Variants in EXOC4 observed in about 807,000 individuals in gnomAD.
EXOC4 encodes the protein SEC8-like 1.
A neutral mutation model predicts 107.2 loss-of-function variants in EXOC4; 71 were observed. The observed-to-expected ratio is 0.66, with a 90% confidence interval of 0.55 to 0.81. EXOC4 has a LOEUF of 0.81. Ranked by LOEUF, EXOC4 falls within the 30% of genes least tolerant of loss-of-function variation. The pLI, the probability that EXOC4 is intolerant of heterozygous loss-of-function variation, is 0.00. For synonymous variants in EXOC4, 456 were observed against 441.2 expected, an observed-to-expected ratio of 1.03 and a Z score of -0.42; for missense variants, 1,108 against 1,189.6, an observed-to-expected ratio of 0.93 and a Z score of 1.01.
chr7:133,871,968 C>A (rs1433443648), intron 11 of EXOC4, among the ~76,000 whole-genome samples: 3 of 152,142 alleles, frequency 2.0e-5, no homozygotes, highest in Non-Finnish European at 4.4e-5. Context: ...TGTCATCCAG[C>A]CCTTCCTTAT....
intron 9 of EXOC4, among the ~76,000 whole-genome samples, chr7:133,501,542 CAG>C (rs1288419481): frequency 6.6e-6 from 1 of 152,086 alleles, no homozygotes; most frequent in Non-Finnish European, 1.5e-5. Context: ...CAGTCAGAAA[CAG>C]AGAGAAGGGG....
At chr7:133,686,623 A>G (rs1241604569) in intron 10 of EXOC4, among the ~76,000 whole-genome samples, 1 of 152,170 alleles carries the variant, frequency 6.6e-6, no homozygotes, top group Non-Finnish European at 1.5e-5. Context: ...AAAATGCTCA[A>G]CATCACTAAT....
In EXOC4 at chr7:133,895,744, T is replaced by C; in HGVS notation, c.1871+9T>C. The C allele has an allele frequency of 6.2e-7, 1 of 1,612,886 alleles. No individual in the cohort carries two copies. The highest frequency in any genetic ancestry group is 8.5e-7 in the Non-Finnish European group (1 of 1,179,400). Reference sequence around the variant, plus strand: ...TGCACTGCAGCTTACAGGTAGAGCTTCTGTTAGGGGCTAAGCAAAGTAACG... The same window carrying C: ...TGCACTGCAGCTTACAGGTAGAGCTCCTGTTAGGGGCTAAGCAAAGTAACG... On this transcript the variant is annotated intron_variant, in intron 12 of 17. Coordinates refer to ENST00000253861, the MANE Select transcript of EXOC4 (RefSeq NM_021807.4).
At chr7:133,838,390 T>C (rs1329116693) in intron 11 of EXOC4, among the ~76,000 whole-genome samples, 2 of 152,196 alleles carry the variant, frequency 1.3e-5, no homozygotes, top group Non-Finnish European at 2.9e-5. Context: ...TCTGCAATAT[T>C]AATGTGTTCC....
At chr7:133,519,356 G>T (rs1261991650) in intron 9 of EXOC4, among the ~76,000 whole-genome samples, 1 of 152,210 alleles carries the variant, frequency 6.6e-6, no homozygotes, top group South Asian at 2.1e-4. Context: ...CCAGGAGGTC[G>T]AGGCTGCAGT....
At chr7:133,807,764 T>C (rs547221755) in intron 10 of EXOC4, among the ~76,000 whole-genome samples, 2 of 152,336 alleles carry the variant, frequency 1.3e-5, no homozygotes, top group East Asian at 1.9e-4. Context: ...TTGTTTGATA[T>C]GAAGGGTTAG....
At chr7:133,835,096 C>T (rs551818100) in intron 11 of EXOC4, among the ~76,000 whole-genome samples, 1 of 152,142 alleles carries the variant, frequency 6.6e-6, no homozygotes, top group African/African-American at 2.4e-5. Context: ...TCCATTAAAC[C>T]TCTTTCCTGT....
intron 10 of EXOC4, among the ~76,000 whole-genome samples, chr7:133,631,446 G>C (rs1802589713): frequency 6.6e-6 from 1 of 151,932 alleles, no homozygotes; most frequent in South Asian, 2.1e-4. Context: ...TAGCTAACCA[G>C]TGTTCTAAAT....
At chr7:133,624,752 C>G (rs1396727059) in intron 9 of EXOC4, among the ~76,000 whole-genome samples, 1 of 151,996 alleles carries the variant, frequency 6.6e-6, no homozygotes. Context: ...ACCAACAAGC[C>G]TGGCTAATTT....
At chr7:133,971,179 C>T (rs901153378) in intron 14 of EXOC4, among the ~76,000 whole-genome samples, 21 of 151,674 alleles carry the variant, frequency 1.4e-4, no homozygotes, top group African/African-American at 4.6e-4. Context: ...TGGAGGAAAA[C>T]CTAATCATCA....
chr7:134,064,596 T>G lies in EXOC4; in HGVS notation c.*68T>G. 1 of 1,080,004 alleles carries G rather than the reference T, an allele frequency of 9.3e-7. No homozygotes were observed. Among genetic ancestry groups the G allele is most frequent in the East Asian group, 2.5e-5 (1 of 40,216 alleles). 66.9% of individuals were successfully genotyped at this position (1,080,004 alleles called of 1,614,324 possible). ...CTCACTTTTTTCCTTGGTATGTTATTGAGTATATTCTGAGCTTAGTTTTCT... is the reference window on the plus strand; with the variant it reads ...CTCACTTTTTTCCTTGGTATGTTATGGAGTATATTCTGAGCTTAGTTTTCT... On this transcript the variant is annotated 3_prime_UTR_variant, in exon 18 of 18. Transcript: ENST00000253861.
At chr7:134,079,807 T>C in the EXOC4 span, among the ~76,000 whole-genome samples, 1 of 152,194 alleles carries the variant, frequency 6.6e-6, no homozygotes, top group African/African-American at 2.4e-5. Flanking sequence ...GAAACTTCAA[T>C]GCAAATTTGC....
At chr7:133,356,658 T>C (rs1171781100) in intron 6 of EXOC4, 85 bp downstream of exon 6, 23 of 1,475,262 alleles carry the variant, frequency 1.6e-5, no homozygotes, top group Non-Finnish European at 2.0e-5. Flanking sequence ...TACCTTCTGT[T>C]GATGTTGTTT....
chr7:133,906,836 A>G (rs572228691), intron 12 of EXOC4, among the ~76,000 whole-genome samples: 5 of 152,316 alleles, frequency 3.3e-5, no homozygotes, highest in African/African-American at 7.2e-5. Context: ...CTGCACAGAT[A>G]AGTGTCCGGG....
chr7:133,448,691 C>G (rs985210968), intron 7 of EXOC4, among the ~76,000 whole-genome samples: 4 of 152,138 alleles, frequency 2.6e-5, no homozygotes, highest in African/African-American at 7.2e-5. Flanking sequence ...ATCCTGGCGT[C>G]TGGTATATGT....
intron 14 of EXOC4, among the ~76,000 whole-genome samples, chr7:133,996,098 A>G (rs1328918092): frequency 6.6e-6 from 1 of 152,244 alleles, no homozygotes; most frequent in East Asian, 1.9e-4. Flanking sequence ...TACAGCAACC[A>G]TTAAGCTTAA....
chr7:133,820,998 T>C (rs1485897129), intron 11 of EXOC4, among the ~76,000 whole-genome samples: 2 of 152,094 alleles, frequency 1.3e-5, no homozygotes, highest in African/African-American at 4.8e-5. Flanking sequence ...AGGAAGTCAG[T>C]AGGAAGGAAG....
chr7:133,581,410 A>T (rs1312004935), intron 9 of EXOC4, among the ~76,000 whole-genome samples: 1 of 152,200 alleles, frequency 6.6e-6, no homozygotes, highest in African/African-American at 2.4e-5. Context: ...CATAGTACCC[A>T]CAGGTACTTT....
intron 7 of EXOC4, among the ~76,000 whole-genome samples, chr7:133,441,279 A>AATGTAATG (rs1160435002): frequency 6.6e-6 from 1 of 152,158 alleles, no homozygotes; most frequent in Non-Finnish European, 1.5e-5. Flanking sequence ...GGAAGGAAGG[A>AATGTAATG]ATGTAATGAA....
Sources: allele counts gnomAD v4.1 joint callset (sites outside exome capture counted in the v4.1 genomes callset), GRCh38; gene constraint gnomAD v4.1.1; transcripts MANE v1.5; gene names NCBI Gene and HGNC (gene_info 2026-07-23, HGNC 2026-07-21).